SLC25A21: variants seen among roughly 807,000 people sequenced by gnomAD.
SLC25A21 encodes the protein solute carrier family 25 member 21.
Under a neutral mutation model 43.8 loss-of-function variants are expected in SLC25A21, and 47 were observed. That is an observed-to-expected ratio of 1.07 (90% CI 0.85 to 1.37). SLC25A21 has a LOEUF of 1.37. Among genes scored for constraint, SLC25A21 ranks in the 40% most tolerant of loss-of-function variants. The pLI, the probability that SLC25A21 is intolerant of heterozygous loss-of-function variation, is 0.00. For synonymous variants in SLC25A21, 131 were observed against 121.3 expected (o/e 1.08, Z -0.52); for missense variants, 352 against 350.2 (o/e 1.00, Z -0.04).
intron 1 of SLC25A21, among the ~76,000 whole-genome samples, chr14:37,002,838 T>C (rs1476942367): frequency 6.6e-6 from 1 of 152,168 alleles, no homozygotes; most frequent in East Asian, 1.9e-4. Context: ...AGTTCAGAAA[T>C]GATGGTGTAG....
intron 2 of SLC25A21, among the ~76,000 whole-genome samples, chr14:36,866,265 T>C (rs1383690442): frequency 1.3e-5 from 2 of 152,188 alleles, no homozygotes; most frequent in Non-Finnish European, 2.9e-5. Context: ...TCCACTGCTG[T>C]ACCTTTGGGG....
intron 1 of SLC25A21, among the ~76,000 whole-genome samples, chr14:37,008,269 C>T (rs1395569988): frequency 6.6e-6 from 1 of 152,224 alleles, no homozygotes; most frequent in Middle Eastern, 3.4e-3. Context: ...TAAATGTCAC[C>T]GCATGTATTC....
chr14:36,875,182 A>T (rs951790875), intron 1 of SLC25A21, among the ~76,000 whole-genome samples, 178 bp from the exon 2 acceptor site: 4 of 152,232 alleles, frequency 2.6e-5, no homozygotes, highest in African/African-American at 9.6e-5. Context: ...TTTTATTTCA[A>T]TGGAAGTAAG....
chr14:37,005,003 C>T (rs1215580002), intron 1 of SLC25A21, among the ~76,000 whole-genome samples: 1 of 150,110 alleles, frequency 6.7e-6, no homozygotes, highest in African/African-American at 2.5e-5. Flanking sequence ...CCATATCTAT[C>T]CCTTCAGAGC....
At chr14:36,979,323 G>GTT (rs145296225) in intron 1 of SLC25A21, among the ~76,000 whole-genome samples, 3,167 of 123,754 alleles carry the variant, frequency 0.026, 201 homozygotes, top group East Asian at 0.25. Flanking sequence ...TTAAGGTAGT[G>GTT]TTTTTTTGGT....
chr14:37,067,556 C>A (rs10141752), intron 1 of SLC25A21, among the ~76,000 whole-genome samples: 1 of 151,914 alleles, frequency 6.6e-6, no homozygotes, highest in African/African-American at 2.4e-5. Flanking sequence ...ATACTACAAG[C>A]GGAAGGAAAG....
At position 37,172,551 on chromosome 14, in the gene SLC25A21, G is replaced by C; in HGVS notation, c.-201C>G. 1.4e-6 allele frequency: 1 copy of C among 715,514 alleles called. No individual in the cohort carries two copies. Among genetic ancestry groups the C allele is most frequent in the Non-Finnish European group, 2.5e-6 (1 of 394,778 alleles). The allele number at this position is 715,514 out of a possible 1,614,324, so 44.3% of individuals were successfully genotyped here. ...CGCGATCTCCGGCGCGTCGGAACCT[G>C]TTCGCAGCGCTCTCGCAGAGGCGCC... On this transcript the variant is annotated 5_prime_UTR_variant, in exon 1 of 10. Transcript: ENST00000331299.
At chr14:36,931,409 C>T (rs915171361) in intron 1 of SLC25A21, among the ~76,000 whole-genome samples, 6 of 151,956 alleles carry the variant, frequency 3.9e-5, no homozygotes, top group African/African-American at 1.5e-4. Context: ...GAAGTCTTTG[C>T]CAAGGTGTCG....
At chr14:37,065,699 G>C (rs1266153788) in intron 1 of SLC25A21, among the ~76,000 whole-genome samples, 3 of 152,154 alleles carry the variant, frequency 2.0e-5, no homozygotes, top group Non-Finnish European at 4.4e-5. Context: ...CCAATGTGCA[G>C]ACTGAATTTA....
At chr14:36,915,745 T>C (rs1044020056) in intron 1 of SLC25A21, among the ~76,000 whole-genome samples, 1 of 152,142 alleles carries the variant, frequency 6.6e-6, no homozygotes, top group Admixed American at 6.6e-5. Context: ...ATCTCCCCTT[T>C]AGTAACGAGA....
At chr14:37,021,628 A>G (rs1186865516) in intron 1 of SLC25A21, among the ~76,000 whole-genome samples, 1 of 151,888 alleles carries the variant, frequency 6.6e-6, no homozygotes, top group East Asian at 1.9e-4. Context: ...TGAGCTCTCT[A>G]ACAGATTTTA....
intron 6 of SLC25A21, chr14:36,725,224 AG>A (rs1220561366): frequency 6.5e-6 from 1 of 153,798 alleles, no homozygotes; most frequent in Non-Finnish European, 1.4e-5. Flanking sequence ...CTGCAATCCC[AG>A]CACTCTGGGA....
intron 1 of SLC25A21, among the ~76,000 whole-genome samples, chr14:37,066,336 T>C (rs2138818868): frequency 6.6e-6 from 1 of 152,140 alleles, no homozygotes; most frequent in East Asian, 1.9e-4. Context: ...GCTAAGAAAA[T>C]GCTCCAGATT....
chr14:36,693,225 C>A (rs1882868683), intron 7 of SLC25A21, among the ~76,000 whole-genome samples: 1 of 152,168 alleles, frequency 6.6e-6, no homozygotes, highest in Admixed American at 6.5e-5. Flanking sequence ...TTTTATCCTG[C>A]TGAACAAGGC....
chr14:36,758,253 C>G (rs931170621), intron 3 of SLC25A21, among the ~76,000 whole-genome samples: 1 of 152,092 alleles, frequency 6.6e-6, no homozygotes, highest in Non-Finnish European at 1.5e-5. Flanking sequence ...AACTGGGGCT[C>G]TACATGATCT....
intron 1 of SLC25A21, among the ~76,000 whole-genome samples, chr14:37,083,852 C>T (rs1426200245): frequency 1.3e-5 from 2 of 152,206 alleles, no homozygotes; most frequent in African/African-American, 4.8e-5. Flanking sequence ...ATACATACTA[C>T]TCGGTCTCCC....
intron 1 of SLC25A21, among the ~76,000 whole-genome samples, chr14:37,155,670 A>C (rs1039582549): frequency 5.3e-5 from 8 of 152,162 alleles, no homozygotes; most frequent in African/African-American, 1.9e-4. Context: ...AACAAAACCC[A>C]AAAAACTTTC....
At chr14:36,884,485 A>G (rs931208406) in intron 1 of SLC25A21, among the ~76,000 whole-genome samples, 18 of 152,190 alleles carry the variant, frequency 1.2e-4, no homozygotes, top group African/African-American at 4.3e-4. Flanking sequence ...CTTTGGATAT[A>G]CACCCAGAAG....
intron 1 of SLC25A21, among the ~76,000 whole-genome samples, chr14:37,171,542 A>G (rs1594359094): frequency 1.3e-5 from 2 of 152,208 alleles, no homozygotes; most frequent in East Asian, 3.8e-4. Context: ...ACTGTAAGAT[A>G]AAATTTTAAA....
Sources: allele counts gnomAD v4.1 joint callset (sites outside exome capture counted in the v4.1 genomes callset), GRCh38; gene constraint gnomAD v4.1.1; transcripts MANE v1.5; gene names NCBI Gene and HGNC (gene_info 2026-07-23, HGNC 2026-07-21).